SLC24A3: variants seen among roughly 807,000 people sequenced by gnomAD.
SLC24A3 encodes the protein solute carrier family 24 member 3.
A neutral mutation model predicts 75.8 loss-of-function variants in SLC24A3; 28 were observed. The ratio of observed to expected loss-of-function variants is 0.37; its 90% confidence interval spans 0.27 to 0.51. The LOEUF is 0.51. SLC24A3 is among the 20% of genes least tolerant of loss of function. SLC24A3 has a pLI of 0.94. For synonymous variants in SLC24A3, 372 were observed against 334.1 expected (o/e 1.11, Z -1.24); for missense variants, 663 against 847.8 (o/e 0.78, Z 2.71).
At chr20:19,301,002 T>A (rs1386877137) in intron 2 of SLC24A3, among the ~76,000 whole-genome samples, 1 of 152,082 alleles carries the variant, frequency 6.6e-6, no homozygotes, top group Non-Finnish European at 1.5e-5. Context: ...ACACCTAACT[T>A]GCTTTTAGGT....
intron 3 of SLC24A3, among the ~76,000 whole-genome samples, chr20:19,572,977 A>T (rs1170336558): frequency 6.6e-6 from 1 of 152,232 alleles, no homozygotes; most frequent in African/African-American, 2.4e-5. Context: ...TTTTATTATT[A>T]TTATTCCAGC....
chr20:19,508,225 C>T (rs1363048976), intron 2 of SLC24A3, among the ~76,000 whole-genome samples: 1 of 152,206 alleles, frequency 6.6e-6, no homozygotes, highest in Non-Finnish European at 1.5e-5. Flanking sequence ...CTTGAAGCCA[C>T]TCATCACTGC....
chr20:19,246,862 A>G (rs1568567715), intron 1 of SLC24A3, among the ~76,000 whole-genome samples: 2 of 152,092 alleles, frequency 1.3e-5, no homozygotes, highest in Non-Finnish European at 2.9e-5. Flanking sequence ...TCTGCAAAGC[A>G]GGGCTAGTAG....
At chr20:19,478,721 T>C (rs979146457) in intron 2 of SLC24A3, among the ~76,000 whole-genome samples, 8 of 152,154 alleles carry the variant, frequency 5.3e-5, no homozygotes, top group African/African-American at 1.7e-4. Context: ...ATGCCTTCTG[T>C]GTCCGATAGA....
At chr20:19,654,547 T>G (rs1313933668) in intron 7 of SLC24A3, among the ~76,000 whole-genome samples, 1 of 151,752 alleles carries the variant, frequency 6.6e-6, no homozygotes, top group East Asian at 1.9e-4. Flanking sequence ...CACATGTCAC[T>G]TAGCAGTGAC....
intron 3 of SLC24A3, among the ~76,000 whole-genome samples, chr20:19,522,488 C>T (rs2030115977): frequency 1.3e-5 from 2 of 152,204 alleles, no homozygotes; most frequent in Non-Finnish European, 2.9e-5. Flanking sequence ...TGGAACAAGT[C>T]CCAGAACTTC....
intron 2 of SLC24A3, among the ~76,000 whole-genome samples, chr20:19,381,546 G>T (rs1423190222): frequency 6.6e-6 from 1 of 152,148 alleles, no homozygotes; most frequent in East Asian, 1.9e-4. Flanking sequence ...GATTTGAGAA[G>T]GGGTGCCCTC....
intron 13 of SLC24A3, among the ~76,000 whole-genome samples, chr20:19,695,247 T>C (rs1195660474): frequency 6.6e-6 from 1 of 152,176 alleles, no homozygotes; most frequent in African/African-American, 2.4e-5. Context: ...TAGGTGTCTC[T>C]CAAGGGCTGG....
chr20:19,218,589 A>C (rs1446874354), intron 1 of SLC24A3, among the ~76,000 whole-genome samples: 1 of 152,184 alleles, frequency 6.6e-6, no homozygotes, highest in East Asian at 1.9e-4. Flanking sequence ...TTGCATAAAC[A>C]TATATAGATA....
At chr20:19,358,034 G>A (rs1274891268) in intron 2 of SLC24A3, among the ~76,000 whole-genome samples, 1 of 152,180 alleles carries the variant, frequency 6.6e-6, no homozygotes, top group African/African-American at 2.4e-5. Context: ...TCCAATGAAG[G>A]CAGATGTGCC....
intron 3 of SLC24A3, among the ~76,000 whole-genome samples, chr20:19,552,056 A>C (rs1170008880): frequency 6.6e-6 from 1 of 152,204 alleles, no homozygotes; most frequent in Admixed American, 6.5e-5. Context: ...CCCACCTAAA[A>C]GAGTTTAGTT....
chr20:19,432,976 G>A (rs918302687), intron 2 of SLC24A3, among the ~76,000 whole-genome samples: 2 of 152,114 alleles, frequency 1.3e-5, no homozygotes, highest in Non-Finnish European at 2.9e-5. Flanking sequence ...GATTGCAAAA[G>A]TTCAAAAAAT....
chr20:19,584,895 C>T (rs778960459), intron 4 of SLC24A3, 76 bp from the exon 5 acceptor site: 190 of 1,379,394 alleles, frequency 1.4e-4, no homozygotes, highest in Non-Finnish European at 1.9e-4. Context: ...AGGGCTTGGA[C>T]TCTCGGGTGT....
chr20:19,502,732 A>T (rs1368279712), intron 2 of SLC24A3, among the ~76,000 whole-genome samples: 1 of 151,710 alleles, frequency 6.6e-6, no homozygotes, highest in Non-Finnish European at 1.5e-5. Flanking sequence ...AATATATAAT[A>T]AAAAAAATTA....
intron 2 of SLC24A3, among the ~76,000 whole-genome samples, chr20:19,366,104 T>C (rs1985885645): frequency 1.3e-5 from 2 of 152,228 alleles, no homozygotes; most frequent in South Asian, 4.1e-4. Flanking sequence ...TTTCTTACTT[T>C]TTCAAGCTAT....
intron 2 of SLC24A3, among the ~76,000 whole-genome samples, chr20:19,401,924 T>A (rs576090334): frequency 6.6e-6 from 1 of 152,320 alleles, no homozygotes; most frequent in African/African-American, 2.4e-5. Flanking sequence ...CACGTTTTAT[T>A]GATCACCTTC....
intron 2 of SLC24A3, among the ~76,000 whole-genome samples, chr20:19,315,992 A>C (rs1984575932): frequency 6.6e-6 from 1 of 152,210 alleles, no homozygotes; most frequent in South Asian, 2.1e-4. Context: ...TTTATTACAA[A>C]GTGTTGAACG....
chr20:19,612,033 C>G (rs7269905), intron 6 of SLC24A3, among the ~76,000 whole-genome samples: 6,582 of 152,290 alleles, frequency 0.043, 504 homozygotes, highest in African/African-American at 0.15. Flanking sequence ...TCTCTCCACA[C>G]TCGCTTTCAG....
chr20:19,261,243 G>T (rs1304042251), intron 1 of SLC24A3, among the ~76,000 whole-genome samples: 1 of 152,188 alleles, frequency 6.6e-6, no homozygotes, highest in African/African-American at 2.4e-5. Flanking sequence ...TGACTGACAG[G>T]CTGTCCTGAT....
Sources: gnomAD v4.1 joint callset for allele counts (sites outside exome capture counted in the v4.1 genomes callset) on GRCh38, gnomAD v4.1.1 for gene constraint, MANE v1.5 for transcripts, NCBI Gene and HGNC (gene_info 2026-07-23, HGNC 2026-07-21) for gene names.